CLIP2: variants seen among roughly 807,000 people sequenced by gnomAD.
The protein encoded by CLIP2 is CAP-Gly domain containing linker protein 2.
A neutral mutation model predicts 111.7 loss-of-function variants in CLIP2; 41 were observed. The observed-to-expected ratio is 0.37, with a 90% CI of 0.29 to 0.48. The LOEUF is 0.48. Ranked by LOEUF, CLIP2 falls within the 20% of genes least tolerant of loss-of-function variation. The pLI is 0.99. For synonymous variants in CLIP2, 660 were observed against 644.2 expected (o/e 1.02, Z -0.37); for missense variants, 1,160 against 1,422.1 (o/e 0.82, Z 2.96).
At chr7:74,339,751 G>T (rs1422048328) in intron 3 of CLIP2, among the ~76,000 whole-genome samples, 1 of 152,050 alleles carries the variant, frequency 6.6e-6, no homozygotes, top group African/African-American at 2.4e-5. Context: ...ACATGCATGT[G>T]CCAGGCATGT....
rs1554318312 is a variant in CLIP2 at position 74,404,873 on chromosome 7, A to G, written c.*1025A>G. 1 of 152,204 alleles carries G rather than the reference A, an allele frequency of 6.6e-6. No homozygotes were observed. Among genetic ancestry groups the G allele is most frequent in the Admixed American group, 6.5e-5 (1 of 15,274 alleles). The allele number at this position is 152,204 out of a possible 1,614,324, so 9.4% of individuals were successfully genotyped here. On this transcript the variant is annotated 3_prime_UTR_variant, in exon 17 of 17. Transcript: ENST00000223398. ...TTGCTGTGAACCACGCTCAGGCCAC[A>G]CAGAGACACATACTTGGTTTCTGGG...
chr7:74,356,399 T>G lies in CLIP2; in HGVS notation c.804-11T>G. 6.2e-7 allele frequency: 1 copy of G among 1,613,778 alleles called. No individual in the cohort carries two copies. The highest frequency in any genetic ancestry group is 8.5e-7 in the Non-Finnish European group (1 of 1,179,658). On this transcript the variant is annotated splice_polypyrimidine_tract_variant and intron_variant, in intron 4 of 16. Coordinates refer to ENST00000223398, the MANE Select transcript of CLIP2 (RefSeq NM_003388.5). ...CCGTGACAGCAGCTTGGGTCTCTCC[T>G]GCTTCCACAGGTACTTCCAGTGCCC...
intron 3 of CLIP2, among the ~76,000 whole-genome samples, chr7:74,347,568 A>G (rs564390672): frequency 2.6e-5 from 4 of 152,030 alleles, no homozygotes; most frequent in African/African-American, 7.2e-5. Flanking sequence ...GCGTCCGGCC[A>G]AACGCGCTGT....
intron 8 of CLIP2, among the ~76,000 whole-genome samples, chr7:74,365,466 T>C (rs571482021): frequency 6.6e-6 from 1 of 152,324 alleles, no homozygotes; most frequent in African/African-American, 2.4e-5. Flanking sequence ...TTCTCGGCTC[T>C]GCTCTTCTCC....
At chr7:74,360,431 C>T (rs568024380) in intron 7 of CLIP2, among the ~76,000 whole-genome samples, 153 bp downstream of exon 7, 47 of 152,304 alleles carry the variant, frequency 3.1e-4, no homozygotes, top group Middle Eastern at 3.4e-3. Context: ...AACTCTTGGG[C>T]CTCAGTCTTC....
intron 14 of CLIP2, among the ~76,000 whole-genome samples, chr7:74,397,785 G>C (rs1554316930): frequency 1.3e-5 from 2 of 148,614 alleles, no homozygotes; most frequent in Non-Finnish European, 3.0e-5. Flanking sequence ...TCCTGCCTCA[G>C]CCTCCCAAGT....
chr7:74,350,834 C>T (rs542666586), intron 3 of CLIP2, among the ~76,000 whole-genome samples: 2 of 150,840 alleles, frequency 1.3e-5, no homozygotes, highest in African/African-American at 4.9e-5. Flanking sequence ...CCACTGCACT[C>T]CAGTATGGGT....
At chr7:74,290,378 G>GC (rs1323161696) in intron 1 of CLIP2, among the ~76,000 whole-genome samples, 1 of 152,250 alleles carries the variant, frequency 6.6e-6, no homozygotes, top group Non-Finnish European at 1.5e-5. Context: ...GGCTGGTGAG[G>GC]CAGCAGATTT....
At chr7:74,403,816 G>T in intron 16 of CLIP2, 21 bp from the exon 17 acceptor site, 2 of 1,613,048 alleles carry the variant, frequency 1.2e-6, no homozygotes, top group Non-Finnish European at 1.7e-6. Flanking sequence ...CCTTGCTGAT[G>T]ATGCCCTTTA....
At chr7:74,334,705 C>T (rs570866648) in intron 2 of CLIP2, among the ~76,000 whole-genome samples, 5 of 151,228 alleles carry the variant, frequency 3.3e-5, no homozygotes, top group Non-Finnish European at 5.9e-5. Context: ...TCTGGCTGGG[C>T]GTGGTAGCTT....
intron 3 of CLIP2, 34 bp from the exon 4 acceptor site, chr7:74,353,846 T>A: frequency 6.2e-7 from 1 of 1,613,920 alleles, no homozygotes; most frequent in Non-Finnish European, 8.5e-7. Flanking sequence ...TGCCACTGCA[T>A]CCTCTAGACC....
intron 14 of CLIP2, among the ~76,000 whole-genome samples, chr7:74,397,857 CAG>C (rs1162904091): frequency 6.6e-6 from 1 of 151,392 alleles, no homozygotes; most frequent in Non-Finnish European, 1.5e-5. Context: ...TTAGTAGAGA[CAG>C]GGTTTCACCG....
chr7:74,344,357 G>T (rs113348152), intron 3 of CLIP2, among the ~76,000 whole-genome samples: 122 of 152,078 alleles, frequency 8.0e-4, no homozygotes, highest in African/African-American at 2.7e-3. Flanking sequence ...TTTCTGGGAG[G>T]GCATACCTCA....
chr7:74,289,922 A>G (rs1003266042), intron 1 of CLIP2, among the ~76,000 whole-genome samples, 188 bp downstream of exon 1: 1 of 152,050 alleles, frequency 6.6e-6, no homozygotes, highest in Non-Finnish European at 1.5e-5. Context: ...GTGTGCCCCA[A>G]CTTCCCCGTT....
chr7:74,331,205 C>CAAAAAAAAAAAAAAAAAA (rs58844348), intron 2 of CLIP2, among the ~76,000 whole-genome samples: 1 of 59,954 alleles, frequency 1.7e-5, no homozygotes, highest in African/African-American at 7.7e-5. Context: ...GACTCCATCT[C>CAAAAAAAAAAAAAAAAAA]AAAAAAAAAA....
intron 1 of CLIP2, among the ~76,000 whole-genome samples, chr7:74,307,050 T>C (rs782137787): frequency 1.3e-5 from 2 of 152,198 alleles, no homozygotes; most frequent in Non-Finnish European, 2.9e-5. Context: ...CGAGGGCAGG[T>C]GGCCTCCCCC....
chr7:74,315,975 A>G (rs1243313519), intron 1 of CLIP2, among the ~76,000 whole-genome samples: 1 of 151,182 alleles, frequency 6.6e-6, no homozygotes, highest in Non-Finnish European at 1.5e-5. Context: ...TGCACCTATC[A>G]ACCCATCACC....
chr7:74,337,188 ACCCTT>A (rs1789497379), intron 2 of CLIP2, among the ~76,000 whole-genome samples: 1 of 151,482 alleles, frequency 6.6e-6, no homozygotes, highest in African/African-American at 2.4e-5. Context: ...AAACCTAGCC[ACCCTT>A]CCACTTTCCG....
chr7:74,365,603 CA>C (rs1790456408), intron 8 of CLIP2, among the ~76,000 whole-genome samples: 1 of 152,198 alleles, frequency 6.6e-6, no homozygotes, highest in Admixed American at 6.6e-5. Flanking sequence ...CTGGGAGAGG[CA>C]GGGGGCGGGA....
Sources: gnomAD v4.1 joint callset for allele counts (sites outside exome capture counted in the v4.1 genomes callset) on GRCh38, gnomAD v4.1.1 for gene constraint, MANE v1.5 for transcripts, NCBI Gene and HGNC (gene_info 2026-07-23, HGNC 2026-07-21) for gene names.